RBM19: variants seen among roughly 807,000 people sequenced by gnomAD.
The protein encoded by RBM19 is RNA binding motif protein 19, also known as probable RNA-binding protein 19.
A neutral mutation model predicts 116.8 loss-of-function variants in RBM19; 94 were observed. The ratio of observed to expected loss-of-function variants is 0.80; its 90% CI spans 0.68 to 0.95. The LOEUF is 0.95. Ranked by LOEUF, RBM19 falls within the 40% of genes least tolerant of loss-of-function variation. The pLI is 0.00. For synonymous variants in RBM19, 475 were observed against 494.1 expected (o/e 0.96, Z 0.51); for missense variants, 1,161 against 1,220.7 (o/e 0.95, Z 0.73).
intron 15 of RBM19, among the ~76,000 whole-genome samples, chr12:113,937,419 G>C (rs961272461): frequency 6.6e-6 from 1 of 152,126 alleles, no homozygotes; most frequent in Non-Finnish European, 1.5e-5. Flanking sequence ...TTTCCAATCA[G>C]AGTATGAAAC....
In RBM19 at chr12:113,946,181, TA is replaced by T. The variant is rs1265412259; in HGVS notation, c.1529+172del. Among the ~76,000 whole-genome samples, 5 of 152,144 alleles carry T rather than the reference TA, an allele frequency of 3.3e-5. No homozygotes were observed. The South Asian group carries it at 1.0e-3, about 32-fold the overall frequency. On this transcript the variant is annotated intron_variant, in intron 12 of 23. Coordinates refer to ENST00000261741, the MANE Select transcript of RBM19 (RefSeq NM_016196.4). ...CACTCATTTAAACCTTACAGCACCA[TA>T]AAAGTAAGGCACTACTATTATTCTC...
intron 16 of RBM19, among the ~76,000 whole-genome samples, chr12:113,931,651 GCA>G (rs1480553446): frequency 6.6e-6 from 1 of 151,890 alleles, no homozygotes; most frequent in Non-Finnish European, 1.5e-5. Flanking sequence ...CGTTCCAAAC[GCA>G]CTGGTCTCTT....
At chr12:113,953,174 T>A (rs1489819217) in intron 7 of RBM19, among the ~76,000 whole-genome samples, 1 of 152,198 alleles carries the variant, frequency 6.6e-6, no homozygotes, top group African/African-American at 2.4e-5. Context: ...GCAAAAGACA[T>A]GATCGGGCAC....
At chr12:113,914,911 A>C in intron 21 of RBM19, 58 bp downstream of exon 21, 1 of 1,456,512 alleles carries the variant, frequency 6.9e-7, no homozygotes, top group Non-Finnish European at 9.6e-7. Flanking sequence ...CTTCCCTGAG[A>C]CTCGGGCAGG....
intron 21 of RBM19, among the ~76,000 whole-genome samples, chr12:113,866,594 G>A (rs1354812888): frequency 6.6e-6 from 1 of 152,214 alleles, no homozygotes; most frequent in Non-Finnish European, 1.5e-5. Flanking sequence ...TTTCCAGCCT[G>A]GACTGATACC....
At chr12:113,845,621 TG>T (rs1724927213) in intron 22 of RBM19, among the ~76,000 whole-genome samples, 1 of 151,908 alleles carries the variant, frequency 6.6e-6, no homozygotes, top group African/African-American at 2.4e-5. Context: ...CCCCAGCCCC[TG>T]GCAACCACCA....
chr12:113,818,811 C>A (rs1006332340), downstream of RBM19, among the ~76,000 whole-genome samples: 1 of 152,170 alleles, frequency 6.6e-6, no homozygotes, highest in Non-Finnish European at 1.5e-5. Flanking sequence ...GTCTCTCACT[C>A]CTGTCCCTCC....
At chr12:113,906,168 T>C (rs572637321) in intron 21 of RBM19, among the ~76,000 whole-genome samples, 1 of 152,182 alleles carries the variant, frequency 6.6e-6, no homozygotes, top group Non-Finnish European at 1.5e-5. Context: ...AAAGAAATGC[T>C]CACAGGAGCA....
chr12:113,863,811 C>T (rs550889716), intron 21 of RBM19, among the ~76,000 whole-genome samples: 1 of 152,338 alleles, frequency 6.6e-6, no homozygotes, highest in Admixed American at 6.5e-5. Context: ...TCTGCTCCTT[C>T]TAGAGGTAAG....
intron 23 of RBM19, among the ~76,000 whole-genome samples, chr12:113,841,566 G>C (rs1282697953): frequency 1.3e-5 from 2 of 151,966 alleles, no homozygotes; most frequent in East Asian, 3.9e-4. Flanking sequence ...TGGGACTATA[G>C]GCATGCGCCA....
At chr12:113,879,195 C>T (rs1879909424) in intron 21 of RBM19, among the ~76,000 whole-genome samples, 2 of 151,986 alleles carry the variant, frequency 1.3e-5, no homozygotes, top group East Asian at 3.9e-4. Flanking sequence ...CACCAGGGCA[C>T]AGGACACCAG....
At chr12:113,864,487 TG>T (rs894276486) in intron 21 of RBM19, among the ~76,000 whole-genome samples, 6 of 152,170 alleles carry the variant, frequency 3.9e-5, no homozygotes, top group Non-Finnish European at 7.3e-5. Flanking sequence ...GCCCCACCAG[TG>T]AACTTATGGA....
chr12:113,879,411 A>G (rs1377923782), intron 21 of RBM19, among the ~76,000 whole-genome samples: 1 of 141,858 alleles, frequency 7.0e-6, no homozygotes, highest in Non-Finnish European at 1.5e-5. Flanking sequence ...CTTTTCTGTA[A>G]AAATGATCAT....
At chr12:113,963,824 C>G (rs186831615) in intron 1 of RBM19, among the ~76,000 whole-genome samples, 161 of 152,342 alleles carry the variant, frequency 1.1e-3, no homozygotes, top group African/African-American at 3.2e-3. Flanking sequence ...TTCAGCACCA[C>G]GCTTTGACAA....
At position 113,946,341 on chromosome 12, in the gene RBM19, G is replaced by A. The variant is rs1350331436; in HGVS notation, c.1529+13C>T. The A allele has an allele frequency of 1.9e-6, 3 of 1,614,030 alleles. No homozygotes were observed. The highest frequency in any genetic ancestry group is 2.5e-6 in the Non-Finnish European group (3 of 1,179,970). ...TGGGGTTGGAGCTCAGTGGTTTCAG[G>A]GGCACTGAGGACCTGGCACTGTTGG... is the stretch of plus-strand genomic sequence containing the variant. On this transcript the variant is annotated intron_variant, in intron 12 of 23. Transcript: ENST00000261741.
At chr12:113,959,762 T>C in intron 4 of RBM19, 103 bp downstream of exon 4, 1 of 1,380,106 alleles carries the variant, frequency 7.2e-7, no homozygotes, top group African/African-American at 1.4e-5. Context: ...GCCTCTACGG[T>C]CTCCTAGCCT....
intron 21 of RBM19, among the ~76,000 whole-genome samples, chr12:113,870,447 G>C (rs905726928): frequency 6.6e-6 from 1 of 152,126 alleles, no homozygotes; most frequent in Admixed American, 6.5e-5. Flanking sequence ...AGATGGCCTC[G>C]GGTTGCCTTG....
At position 113,944,093 on chromosome 12, in the gene RBM19, G is replaced by GTTTTTTTTTTTTTTTT. The variant is rs71433305; in HGVS notation, c.1627-1675_1627-1660dup. On this transcript the variant is annotated intron_variant, in intron 13 of 23. Transcript: ENST00000261741. ...CAGCTGCCTCTAACTCCAGATGCAT[G>GTTTTTTTTTTTTTTTT]TTTTTTTTTTTTTTTTTTTTTTTTG... Among the ~76,000 whole-genome samples the GTTTTTTTTTTTTTTTT allele has an allele frequency of 4.2e-3, 284 of 67,644 alleles. 24 individuals are homozygous for GTTTTTTTTTTTTTTTT. Among genetic ancestry groups the GTTTTTTTTTTTTTTTT allele is most frequent in the Non-Finnish European group, 5.2e-3 (204 of 38,966 alleles). 44.4% of individuals were successfully genotyped at this position (67,644 alleles called of 152,430 possible).
Position 113,884,977 on chromosome 12 carries a change from G to A in RBM19, c.2559-26081C>T, listed in dbSNP as rs867024309. On this transcript the variant is annotated intron_variant, in intron 21 of 23. Transcript: ENST00000261741. ...CGGAATGTGGAGAAAAGCCCTTCCC[G>A]GGGGAGAATACCCACTAATAAATGT... 2.0e-4 allele frequency among the ~76,000 whole-genome samples: 30 copies of A among 152,230 alleles called. No homozygotes were observed. In the Middle Eastern group the frequency reaches 0.01, roughly 52 times the overall value.
Sources: gnomAD v4.1 joint callset for allele counts (sites outside exome capture counted in the v4.1 genomes callset) on GRCh38, gnomAD v4.1.1 for gene constraint, MANE v1.5 for transcripts, NCBI Gene and HGNC (gene_info 2026-07-23, HGNC 2026-07-21) for gene names.